The following FILIP1 variants were observed in gnomAD, a reference collection of about 807,000 sequenced individuals.
FILIP1 encodes the protein filamin-A-interacting protein 1.
In FILIP1, 61 loss-of-function variants were observed where a neutral mutation model predicts 102.1. The ratio of observed to expected loss-of-function variants is 0.60; its 90% CI spans 0.49 to 0.74. FILIP1 has a LOEUF of 0.74. FILIP1 is among the 30% of genes least tolerant of loss of function. The probability of loss-of-function intolerance (pLI) is 0.00; values close to 1 mark genes in which losing one functional copy is unlikely to be tolerated. For missense variants in FILIP1, 1,314 were observed against 1,441.2 expected (o/e 0.91, Z 1.43); for synonymous variants, 491 against 526.9 (o/e 0.93, Z 0.93).
rs538292404 is a variant in FILIP1 at position 75,430,055 on chromosome 6, T to C, written c.-6-15077A>G. Among the ~76,000 whole-genome samples, 60 of 152,274 alleles carry C rather than the reference T, an allele frequency of 3.9e-4. 2 individuals carry two copies. In the South Asian group the frequency reaches 0.012, roughly 30 times the overall value. ...ATCCCCAAGTGTTGAGAGAGGGACC[T>C]GGTGGGAGGTGATTGGATCATGGGG... On this transcript the variant is annotated intron_variant, in intron 1 of 5. Transcript: ENST00000237172.
chr6:75,334,515 T>TC (rs1774176925), intron 4 of FILIP1: 1 of 152,144 alleles, frequency 6.6e-6, no homozygotes, highest in Non-Finnish European at 1.5e-5. Flanking sequence ...AAACCCAGCT[T>TC]CCAAGATGCT....
chr6:75,468,797 A>G (rs2808184), intron 1 of FILIP1, among the ~76,000 whole-genome samples: 3,822 of 152,238 alleles, frequency 0.025, 172 homozygotes, highest in African/African-American at 0.085. Flanking sequence ...TTATATTAAT[A>G]TTTCCCAAAC....
At chr6:75,300,049 G>C (rs1022407881) in intron 6 of FILIP1, among the ~76,000 whole-genome samples, 6 of 152,020 alleles carry the variant, frequency 3.9e-5, no homozygotes, top group African/African-American at 1.5e-4. Flanking sequence ...TCCCTAAAAA[G>C]CCAATACCTC....
At chr6:75,484,517 G>A (rs73463780) in intron 1 of FILIP1, among the ~76,000 whole-genome samples, 5 of 152,118 alleles carry the variant, frequency 3.3e-5, no homozygotes, top group Non-Finnish European at 7.3e-5. Flanking sequence ...TATTGGATGC[G>A]AATTAAAATC....
intron 2 of FILIP1, among the ~76,000 whole-genome samples, chr6:75,391,720 T>C (rs945191935): frequency 6.6e-6 from 1 of 152,170 alleles, no homozygotes; most frequent in African/African-American, 2.4e-5. Context: ...TCATTCTCAT[T>C]AGCATACAAA....
intron 1 of FILIP1, among the ~76,000 whole-genome samples, chr6:75,434,387 C>T (rs975821329): frequency 3.3e-5 from 5 of 152,256 alleles, no homozygotes; most frequent in Middle Eastern, 3.4e-3. Flanking sequence ...TGTAGTTCTC[C>T]TCGAAGAGGT....
chr6:75,415,154 G>T (rs1001842893), intron 1 of FILIP1, among the ~76,000 whole-genome samples, 176 bp from the exon 2 acceptor site: 3 of 152,056 alleles, frequency 2.0e-5, no homozygotes, highest in Non-Finnish European at 2.9e-5. Flanking sequence ...AAAAATGAAA[G>T]TAAGATTTTA....
chr6:75,408,072 G>A (rs936866434), intron 2 of FILIP1, among the ~76,000 whole-genome samples: 2 of 152,102 alleles, frequency 1.3e-5, no homozygotes, highest in African/African-American at 2.4e-5. Flanking sequence ...GATGGGCCGG[G>A]GTACTATTTT....
chr6:75,408,510 A>G (rs564178611), intron 2 of FILIP1, among the ~76,000 whole-genome samples: 2 of 152,380 alleles, frequency 1.3e-5, no homozygotes, highest in East Asian at 3.9e-4. Flanking sequence ...CATGTTGTTT[A>G]TAATATTGGC....
At chr6:75,456,764 T>C (rs906744604) in intron 1 of FILIP1, among the ~76,000 whole-genome samples, 3 of 152,140 alleles carry the variant, frequency 2.0e-5, no homozygotes, top group Non-Finnish European at 4.4e-5. Context: ...TTCACCATGT[T>C]GGCCAGGATG....
intron 5 of FILIP1, among the ~76,000 whole-genome samples, chr6:75,311,786 C>G (rs113289134): frequency 1.3e-5 from 2 of 152,176 alleles, no homozygotes; most frequent in East Asian, 3.8e-4. Context: ...CATGAGCCAC[C>G]GCACCCAGCC....
intron 1 of FILIP1, among the ~76,000 whole-genome samples, chr6:75,453,679 T>A (rs1337993360): frequency 6.6e-6 from 1 of 152,142 alleles, no homozygotes; most frequent in African/African-American, 2.4e-5. Context: ...TAGCTTGGTG[T>A]TATGCACCTC....
At chr6:75,486,298 C>T (rs929766073) in intron 1 of FILIP1, among the ~76,000 whole-genome samples, 1 of 152,184 alleles carries the variant, frequency 6.6e-6, no homozygotes, top group Non-Finnish European at 1.5e-5. Flanking sequence ...CCAAGAACCA[C>T]ATTGCCCCAT....
downstream of FILIP1, among the ~76,000 whole-genome samples, chr6:75,306,684 C>A (rs144910655): frequency 4.9e-4 from 74 of 152,300 alleles, no homozygotes; most frequent in African/African-American, 1.7e-3. Flanking sequence ...CTCAGTCTCT[C>A]CCTCTCCTTT....
exon 7 of FILIP1, chr6:75,295,029 A>C (rs1772635135): frequency 6.6e-6 from 1 of 151,758 alleles, no homozygotes; most frequent in African/African-American, 2.4e-5. Context: ...AGATCCTGAC[A>C]TTTTAGGTCT....
intron 4 of FILIP1, among the ~76,000 whole-genome samples, chr6:75,338,199 G>A (rs1774305283): frequency 6.6e-6 from 1 of 152,178 alleles, no homozygotes; most frequent in South Asian, 2.1e-4. Context: ...GAACTTAAGA[G>A]GAATGAGTTA....
downstream of FILIP1, chr6:75,307,966 G>T: frequency 1.2e-6 from 1 of 861,886 alleles, no homozygotes; most frequent in Non-Finnish European, 1.4e-6. Flanking sequence ...CTTGAATAGA[G>T]CACGAGTCTG....
In FILIP1 at chr6:75,336,780, C is replaced by T. The variant is rs141869790; in HGVS notation, c.629+16759G>A. Among the ~76,000 whole-genome samples the T allele has an allele frequency of 3.2e-4, 48 of 152,232 alleles. 1 individual carries two copies. In the East Asian group the frequency reaches 8.5e-3, roughly 27 times the overall value. On this transcript the variant is annotated intron_variant, in intron 4 of 5. Transcript: ENST00000237172. ...CCTGTTTAATACCACTAAACGACTA[C>T]ATTCAAAGTTAATTTAAAACTCCAC...
chr6:75,469,726 G>A lies in FILIP1; in HGVS notation c.-7+23688C>T, dbSNP rs1046094246. 3.9e-5 allele frequency among the ~76,000 whole-genome samples: 6 copies of A among 151,986 alleles called. No individual in the cohort carries two copies. The East Asian group carries it at 1.2e-3, about 29-fold the overall frequency. On this transcript the variant is annotated intron_variant, in intron 1 of 5. Coordinates refer to ENST00000237172, the MANE Select transcript of FILIP1 (RefSeq NM_015687.5). The stretch of plus-strand genomic sequence containing the variant: ...GAATAATGCACTATGATCAAGTAAG[G>A]TTTATCCCAGGAATACAAAATATAG...
Sources: allele counts gnomAD v4.1 joint callset (sites outside exome capture counted in the v4.1 genomes callset), GRCh38; gene constraint gnomAD v4.1.1; transcripts MANE v1.5; gene names NCBI Gene and HGNC (gene_info 2026-07-23, HGNC 2026-07-21).